The following LRBA variants were observed in gnomAD, a reference collection of about 807,000 sequenced individuals.
The protein encoded by LRBA is lipopolysaccharide-responsive and beige-like anchor protein.
Under a neutral mutation model 330.0 loss-of-function variants are expected in LRBA, and 176 were observed. The observed-to-expected ratio is 0.53, with a 90% CI of 0.47 to 0.60. LRBA has a LOEUF of 0.60. Among genes scored for constraint, LRBA ranks in the 20% least tolerant of loss-of-function variants. The pLI, the probability that LRBA is intolerant of heterozygous loss-of-function variation, is 0.00. For missense variants in LRBA, 3,259 were observed against 3,444.8 expected, an observed-to-expected ratio of 0.95 and a Z score of 1.35; for synonymous variants, 1,230 against 1,193.0, an observed-to-expected ratio of 1.03 and a Z score of -0.64.
chr4:150,491,896 A>G (rs1758997152), intron 40 of LRBA, among the ~76,000 whole-genome samples: 1 of 152,176 alleles, frequency 6.6e-6, no homozygotes, highest in Non-Finnish European at 1.5e-5. Flanking sequence ...ACATAAGAAA[A>G]TGAGATGCAC....
rs1742052306 is a variant in LRBA at position 150,991,262 on chromosome 4, C to T, written c.216+23165G>A. Among the ~76,000 whole-genome samples the T allele has an allele frequency of 2.6e-5, 4 of 152,124 alleles. No individual in the cohort carries two copies. In the South Asian group the frequency reaches 8.3e-4, roughly 32 times the overall value. On this transcript the variant is annotated intron_variant, in intron 2 of 56. Coordinates refer to ENST00000651943, the MANE Select transcript of LRBA (RefSeq NM_001364905.1). Reference sequence around the variant, plus strand: ...AGCAACTACATTACTGGTAGGAATGCAGCATGCTACAGCCACTTTGGAAAA... The same window carrying T: ...AGCAACTACATTACTGGTAGGAATGTAGCATGCTACAGCCACTTTGGAAAA...
At chr4:150,519,237 T>C (rs1467624930) in intron 40 of LRBA, among the ~76,000 whole-genome samples, 1 of 152,064 alleles carries the variant, frequency 6.6e-6, no homozygotes, top group Non-Finnish European at 1.5e-5. Context: ...GTATAGAAAA[T>C]ACTTGGTAAA....
At chr4:150,887,539 C>A (rs1052082561) in intron 17 of LRBA, among the ~76,000 whole-genome samples, 4 of 151,838 alleles carry the variant, frequency 2.6e-5, no homozygotes, top group Non-Finnish European at 5.9e-5. Flanking sequence ...TTTGGGAGGC[C>A]GAGGCAGGCA....
rs751831381 is a variant in LRBA, at chr4:150,950,490, T to C, written c.217-21425A>G. On this transcript the variant is annotated intron_variant, in intron 2 of 56. Coordinates refer to ENST00000651943, the MANE Select transcript of LRBA (RefSeq NM_001364905.1). ...ATTTTTAAATTTGATAGTTCATAATTTGAAGACTCTACAAATCTTACTTTG... is the reference window on the plus strand; with the variant it reads ...ATTTTTAAATTTGATAGTTCATAATCTGAAGACTCTACAAATCTTACTTTG... 9.9e-5 allele frequency among the ~76,000 whole-genome samples: 15 copies of C among 152,106 alleles called. 1 individual carries two copies. Among genetic ancestry groups the C allele is most frequent in the Non-Finnish European group, 1.8e-4 (12 of 67,992 alleles).
intron 46 of LRBA, among the ~76,000 whole-genome samples, chr4:150,425,753 T>C (rs1749516948): frequency 1.3e-5 from 2 of 152,074 alleles, no homozygotes; most frequent in Non-Finnish European, 2.9e-5. Context: ...AGAAACAAGA[T>C]AATCAAAATA....
At position 150,267,973 on chromosome 4, in the gene LRBA, T is replaced by A. The variant is rs1580841810; in HGVS notation, c.8469-2161A>T. On this transcript the variant is annotated intron_variant, in intron 56 of 56. Coordinates refer to ENST00000651943, the MANE Select transcript of LRBA (RefSeq NM_001364905.1). Reference sequence around the variant, plus strand: ...TACTTGGAAGGCTGAGGCAGGAGAATCACTTGAACCTGGGAAGCAGAGGTT... The same window carrying A: ...TACTTGGAAGGCTGAGGCAGGAGAAACACTTGAACCTGGGAAGCAGAGGTT... Among the ~76,000 whole-genome samples the A allele has an allele frequency of 2.0e-5, 3 of 150,872 alleles. No homozygotes were observed. In the East Asian group the frequency reaches 5.9e-4, roughly 30 times the overall value.
At chr4:150,487,029 T>TGTATA (rs1413914130) in intron 42 of LRBA, among the ~76,000 whole-genome samples, 17 of 151,822 alleles carry the variant, frequency 1.1e-4, no homozygotes, top group Admixed American at 5.9e-4. Flanking sequence ...ATTTCTTTAT[T>TGTATA]CATCAGCTGA....
intron 2 of LRBA, among the ~76,000 whole-genome samples, chr4:150,940,857 T>A (rs1735593842): frequency 6.6e-6 from 1 of 152,102 alleles, no homozygotes; most frequent in Middle Eastern, 3.4e-3. Flanking sequence ...TTTTTTGTTT[T>A]CCTTCTTTTT....
chr4:150,599,700 T>C (rs1228904241), intron 37 of LRBA, among the ~76,000 whole-genome samples: 2 of 152,208 alleles, frequency 1.3e-5, no homozygotes, highest in African/African-American at 4.8e-5. Context: ...AATAAAATAT[T>C]ACTCTGTTTA....
chr4:150,729,037 T>C (rs770678996), intron 36 of LRBA, among the ~76,000 whole-genome samples: 2 of 152,166 alleles, frequency 1.3e-5, no homozygotes, highest in African/African-American at 4.8e-5. Context: ...AAATGAGTAG[T>C]GGCCAGACAT....
chr4:150,564,801 A>G (rs1402416922), intron 40 of LRBA, among the ~76,000 whole-genome samples: 1 of 152,224 alleles, frequency 6.6e-6, no homozygotes, highest in Admixed American at 6.5e-5. Context: ...ACTGATCACT[A>G]GAGAAATGCA....
chr4:150,371,709 AAT>A (rs926280712), intron 47 of LRBA, among the ~76,000 whole-genome samples: 2 of 151,634 alleles, frequency 1.3e-5, no homozygotes, highest in African/African-American at 4.8e-5. Context: ...TTATTTTATA[AAT>A]ATATAATATT....
chr4:150,404,190 G>C (rs1194135521), intron 47 of LRBA, among the ~76,000 whole-genome samples: 1 of 152,120 alleles, frequency 6.6e-6, no homozygotes, highest in Non-Finnish European at 1.5e-5. Flanking sequence ...TTGCAATTTA[G>C]TTATGGACAT....
At position 150,321,622 on chromosome 4, in the gene LRBA, A is replaced by G. The variant is rs1264844975; in HGVS notation, c.7453-254T>C. On this transcript the variant is annotated intron_variant, in intron 49 of 56. Coordinates refer to ENST00000651943, the MANE Select transcript of LRBA (RefSeq NM_001364905.1). The surrounding 1 kb of genome is among the most constrained non-coding windows in gnomAD (Gnocchi z 4.5). ...CATTAACAGAAACACTTTAAAATTT[A>G]TAAATTTTATGAGCTCCCTTTCCCT... Among the ~76,000 whole-genome samples, 2 of 152,178 alleles carry G rather than the reference A, an allele frequency of 1.3e-5. No homozygotes were observed. The highest frequency in any genetic ancestry group is 2.9e-5 in the Non-Finnish European group (2 of 68,026).
intron 15 of LRBA, among the ~76,000 whole-genome samples, chr4:150,896,994 TA>T (rs1158625389): frequency 1.5e-3 from 188 of 123,000 alleles, no homozygotes; most frequent in East Asian, 2.3e-3. Flanking sequence ...AGCTGCAATC[TA>T]AAAAAAAAAA....
At chr4:150,369,074 T>A (rs1186433863) in intron 47 of LRBA, among the ~76,000 whole-genome samples, 1 of 152,208 alleles carries the variant, frequency 6.6e-6, no homozygotes, top group Non-Finnish European at 1.5e-5. Flanking sequence ...ACACTGGTTA[T>A]AAGACTCAAT....
At chr4:150,402,238 A>C (rs1745583178) in intron 47 of LRBA, among the ~76,000 whole-genome samples, 1 of 151,754 alleles carries the variant, frequency 6.6e-6, no homozygotes, top group South Asian at 2.1e-4. Flanking sequence ...AGACGAGATC[A>C]GGCACTTTCA....
chr4:150,268,244 A>G (rs1162454055), intron 56 of LRBA, among the ~76,000 whole-genome samples: 1 of 152,326 alleles, frequency 6.6e-6, no homozygotes, highest in Admixed American at 6.5e-5. Context: ...AGAAATAGAA[A>G]TGATTAGACT....
chr4:150,405,590 A>G (rs1746084492), intron 47 of LRBA, among the ~76,000 whole-genome samples: 1 of 152,060 alleles, frequency 6.6e-6, no homozygotes, highest in African/African-American at 2.4e-5. Context: ...TAGGAGATAA[A>G]AGATCATATA....
Sources: gnomAD v4.1 joint callset for allele counts (sites outside exome capture counted in the v4.1 genomes callset) on GRCh38, gnomAD v4.1.1 for gene constraint, Gnocchi (gnomAD v3.1) non-coding constraint, MANE v1.5 for transcripts, NCBI Gene and HGNC (gene_info 2026-07-23, HGNC 2026-07-21) for gene names.